The following SGCE variants were observed in gnomAD, a reference collection of about 807,000 sequenced individuals.
SGCE encodes the protein epsilon-sarcoglycan.
In SGCE, 26 loss-of-function variants were observed where a neutral mutation model predicts 57.8. The observed-to-expected ratio is 0.45, with a 90% CI of 0.33 to 0.62. SGCE has a LOEUF of 0.62. Ranked by LOEUF, SGCE falls within the 20% of genes least tolerant of loss-of-function variation. The probability of loss-of-function intolerance (pLI) is 0.02; values close to 1 mark genes in which losing one functional copy is unlikely to be tolerated. For synonymous variants in SGCE, 183 were observed against 189.5 expected (o/e 0.97, Z 0.28); for missense variants, 468 against 548.6 (o/e 0.85, Z 1.47).
At chr7:94,612,558 G>A (rs1801200351) in intron 5 of SGCE, among the ~76,000 whole-genome samples, 1 of 151,884 alleles carries the variant, frequency 6.6e-6, no homozygotes, top group Non-Finnish European at 1.5e-5. Flanking sequence ...TTTCAGAGTT[G>A]GACAACTAAG....
chr7:94,650,957 G>A (rs1186640096), intron 1 of SGCE, among the ~76,000 whole-genome samples: 2 of 152,182 alleles, frequency 1.3e-5, no homozygotes, highest in African/African-American at 2.4e-5. Context: ...TGTCTAATTT[G>A]TCAAAATCTC....
At chr7:94,621,866 T>C (rs1802840195) in intron 4 of SGCE, 1 of 151,884 alleles carries the variant, frequency 6.6e-6, no homozygotes, top group Non-Finnish European at 1.5e-5. Context: ...CTTTGGGGAG[T>C]GGCAGAGTGG....
At chr7:94,587,586 C>T in intron 10 of SGCE, 2 of 1,374,708 alleles carry the variant, frequency 1.5e-6, no homozygotes, top group Non-Finnish European at 1.9e-6. Context: ...TTAGGTGACT[C>T]ATTTTTATAA....
At chr7:94,599,492 G>T in intron 8 of SGCE, 3 of 578,294 alleles carry the variant, frequency 5.2e-6, no homozygotes, top group Non-Finnish European at 9.2e-6. Context: ...ATTTTTATCT[G>T]TGTAATCTTA....
intron 1 of SGCE, among the ~76,000 whole-genome samples, chr7:94,643,837 A>AT (rs1207428439): frequency 6.6e-6 from 1 of 152,266 alleles, no homozygotes; most frequent in Non-Finnish European, 1.5e-5. Context: ...GGACCAATGC[A>AT]TTTTTTTATG....
intron 1 of SGCE, among the ~76,000 whole-genome samples, chr7:94,642,353 T>A (rs537443864): frequency 6.6e-6 from 1 of 152,330 alleles, no homozygotes; most frequent in Admixed American, 6.5e-5. Context: ...TCAGAAATGC[T>A]AATAGTCTCT....
At chr7:94,641,782 A>C (rs962900763) in intron 1 of SGCE, among the ~76,000 whole-genome samples, 13 of 152,134 alleles carry the variant, frequency 8.5e-5, no homozygotes, top group African/African-American at 3.1e-4. Context: ...ACAATTCAAA[A>C]CCCAGATTAT....
At chr7:94,643,536 A>G (rs1210793171) in intron 1 of SGCE, among the ~76,000 whole-genome samples, 2 of 152,196 alleles carry the variant, frequency 1.3e-5, no homozygotes, top group Non-Finnish European at 2.9e-5. Flanking sequence ...CAGAAGACTG[A>G]AGTCCAATAA....
At chr7:94,590,462 C>T (rs1797528506) in intron 9 of SGCE, 1 of 152,082 alleles carries the variant, frequency 6.6e-6, no homozygotes, top group Admixed American at 6.6e-5. Context: ...GTATCCTCAG[C>T]AGTAAGCATT....
At chr7:94,647,587 T>G (rs1265983500) in intron 1 of SGCE, among the ~76,000 whole-genome samples, 1 of 152,234 alleles carries the variant, frequency 6.6e-6, no homozygotes, top group African/African-American at 2.4e-5. Flanking sequence ...GTATAAAGAT[T>G]AAATCCTTTA....
intron 1 of SGCE, chr7:94,639,552 C>T: frequency 1.5e-6 from 1 of 679,094 alleles, no homozygotes; most frequent in Non-Finnish European, 2.5e-6. Flanking sequence ...AGATTCCTTC[C>T]AGCCCAGCTA....
rs373904456 is a variant in SGCE, at chr7:94,598,913, C to T, written c.1115G>A (p.Arg372Gln). 33 of 1,613,686 alleles carry T rather than the reference C, an allele frequency of 2.0e-5. No individual in the cohort carries two copies. Among genetic ancestry groups the T allele is most frequent in the African/African-American group, 2.7e-5 (2 of 74,870 alleles). Residue 372 changes from arginine (R) to glutamine (Q), a missense_variant, in exon 9 of 11, where the codon CGA (arginine) becomes CAA (glutamine). Arg to Gln is a conservative substitution (Grantham distance 43). Transcript: ENST00000648936. ...TATCTCTCTATTCTTGGACATGTCT[C>T]GAAGCTCCTTGGTAGATTTCTGAAT... is the stretch of plus-strand genomic sequence containing the variant. ...SAIQKSTKEL[R>Q]DMSKNREIAW...
chr7:94,610,698 A>G (rs1800883781), intron 5 of SGCE, among the ~76,000 whole-genome samples: 1 of 152,214 alleles, frequency 6.6e-6, no homozygotes, highest in Admixed American at 6.5e-5. Context: ...AAAGAACACC[A>G]TTAAGAAAAG....
chr7:94,613,939 A>G (rs1324834177), intron 5 of SGCE, among the ~76,000 whole-genome samples: 1 of 152,108 alleles, frequency 6.6e-6, no homozygotes, highest in Non-Finnish European at 1.5e-5. Flanking sequence ...GATACAAAAT[A>G]AAGAATGAAA....
intron 5 of SGCE, among the ~76,000 whole-genome samples, chr7:94,607,990 G>A (rs1306717617): frequency 6.6e-6 from 1 of 152,132 alleles, no homozygotes; most frequent in Non-Finnish European, 1.5e-5. Flanking sequence ...CTGATACTAA[G>A]ATTAATATAA....
chr7:94,588,250 G>A, intron 10 of SGCE: 3 of 1,039,920 alleles, frequency 2.9e-6, no homozygotes, highest in Non-Finnish European at 3.5e-6. Context: ...TTAAAACCAG[G>A]CCAGCCATTT....
At chr7:94,635,966 T>C (rs1338350668) in intron 1 of SGCE, among the ~76,000 whole-genome samples, 1 of 152,188 alleles carries the variant, frequency 6.6e-6, no homozygotes, top group Non-Finnish European at 1.5e-5. Flanking sequence ...GCCTTGGCTG[T>C]GGAATCCATC....
At chr7:94,650,154 A>G (rs1340053929) in intron 1 of SGCE, among the ~76,000 whole-genome samples, 2 of 152,238 alleles carry the variant, frequency 1.3e-5, no homozygotes, top group Non-Finnish European at 1.5e-5. Flanking sequence ...AAACAGACAG[A>G]AGTTAAAAAC....
chr7:94,598,503 T>C lies in SGCE; in HGVS notation c.1253+272A>G, dbSNP rs41278803. On this transcript the variant is annotated intron_variant, in intron 9 of 10. Coordinates refer to ENST00000648936, the MANE Select transcript of SGCE (RefSeq NM_003919.3). ...TAATTAACTCATCTTTGAGCAAACA[T>C]GTAATGTTGAGTTTAATATCAGTGT... 0.13 allele frequency: 53,403 copies of C among 395,936 alleles called. 4,476 individuals carry two copies. The highest frequency in any genetic ancestry group is 0.24 in the East Asian group (4,638 of 19,390). The allele number at this position is 395,936 out of a possible 1,614,324, so 24.5% of individuals were successfully genotyped here.
Sources: gnomAD v4.1 joint callset for allele counts (sites outside exome capture counted in the v4.1 genomes callset) on GRCh38, gnomAD v4.1.1 for gene constraint, MANE v1.5 for transcripts, NCBI Gene and HGNC (gene_info 2026-07-23, HGNC 2026-07-21) for gene names.